Variants in ARHGAP20 observed in about 807,000 individuals in gnomAD.
ARHGAP20 encodes the protein Rho GTPase activating protein 20.
A neutral mutation model predicts 73.7 loss-of-function variants in ARHGAP20; 34 were observed. The observed-to-expected ratio is 0.46, with a 90% confidence interval of 0.35 to 0.61. ARHGAP20 has a LOEUF of 0.61. Among genes scored for constraint, ARHGAP20 ranks in the 20% least tolerant of loss-of-function variants. ARHGAP20 has a pLI of 0.00. For missense variants in ARHGAP20, 1,314 were observed against 1,420.9 expected (o/e 0.92, Z 1.21); for synonymous variants, 523 against 518.2 (o/e 1.01, Z -0.13).
intron 6 of ARHGAP20, among the ~76,000 whole-genome samples, chr11:110,613,343 G>C (rs1263347276): frequency 6.6e-6 from 1 of 152,192 alleles, no homozygotes; most frequent in Non-Finnish European, 1.5e-5. Flanking sequence ...TCCTATTTGG[G>C]GGAATCACTC....
chr11:110,591,440 G>A (rs1358954835), intron 10 of ARHGAP20, among the ~76,000 whole-genome samples: 1 of 152,186 alleles, frequency 6.6e-6, no homozygotes, highest in Non-Finnish European at 1.5e-5. Flanking sequence ...GTAGTATAGT[G>A]CTTGAAGGAT....
At chr11:110,711,836 C>A in intron 1 of ARHGAP20, 1 of 1,311,594 alleles carries the variant, frequency 7.6e-7, no homozygotes, top group Non-Finnish European at 9.7e-7. Flanking sequence ...GAGGGAGGAG[C>A]CGGGCTGCAG....
rs375390971 is a variant in ARHGAP20, at chr11:110,650,380, C to A, written c.189-19588G>T. ...AGAGAAATCCTAAAGCCACTTTGAT[C>A]TGCATCTGTGGTGCTACAAATAATT... On this transcript the variant is annotated intron_variant, in intron 2 of 14. Coordinates refer to ENST00000683387, the MANE Select transcript of ARHGAP20 (RefSeq NM_001384657.1). 1.4e-4 allele frequency among the ~76,000 whole-genome samples: 22 copies of A among 152,150 alleles called. 1 individual carries two copies. Among genetic ancestry groups the A allele is most frequent in the Admixed American group, 1.0e-3 (16 of 15,254 alleles).
chr11:110,579,530 G>A lies in ARHGAP20; in HGVS notation c.3416C>T (p.Ser1139Leu). Residue 1139 changes from serine to leucine, a missense_variant, in exon 15 of 15, where the codon TCA (serine) becomes TTA (leucine). Physicochemically the swap from Ser to Leu is moderately radical, Grantham distance 145 (BLOSUM62 -2). Coordinates refer to ENST00000683387, the MANE Select transcript of ARHGAP20 (RefSeq NM_001384657.1). ...VESRLKLCMK[S>L]HEEIEPGSQS... ...ACTACCAGGCTCTATTTCCTCATGTGACTTCATGCACAGCTTAAGTCTGCT... is the reference window on the plus strand; with the variant it reads ...ACTACCAGGCTCTATTTCCTCATGTAACTTCATGCACAGCTTAAGTCTGCT... 6.2e-7 allele frequency: 1 copy of A among 1,614,134 alleles called. No individual in the cohort carries two copies. The highest frequency in any genetic ancestry group is 1.1e-5 in the South Asian group (1 of 91,062).
chr11:110,692,540 T>C (rs967089785), intron 1 of ARHGAP20, among the ~76,000 whole-genome samples: 1 of 152,100 alleles, frequency 6.6e-6, no homozygotes, highest in African/African-American at 2.4e-5. Context: ...TTACATCTGC[T>C]TTCTCTAACC....
chr11:110,605,121 G>C (rs1028203631), intron 9 of ARHGAP20, among the ~76,000 whole-genome samples: 4 of 152,162 alleles, frequency 2.6e-5, no homozygotes, highest in African/African-American at 9.7e-5. Context: ...GAAGTTTTCT[G>C]CTAGACAGGG....
chr11:110,627,249 C>A (rs12222627), intron 3 of ARHGAP20, among the ~76,000 whole-genome samples: 1 of 151,798 alleles, frequency 6.6e-6, no homozygotes, highest in Non-Finnish European at 1.5e-5. Flanking sequence ...CCACTACGCC[C>A]GGCTAATTTT....
At chr11:110,662,575 T>TA (rs147271024) in intron 2 of ARHGAP20, among the ~76,000 whole-genome samples, 6,715 of 152,010 alleles carry the variant, frequency 0.044, 220 homozygotes, top group Non-Finnish European at 0.068. Context: ...GTATACATTA[T>TA]AAGATAATGT....
chr11:110,601,837 A>G (rs650192), intron 9 of ARHGAP20, among the ~76,000 whole-genome samples: 30,999 of 151,744 alleles, frequency 0.2, 3,980 homozygotes, highest in African/African-American at 0.36. Context: ...TACAAAAAAT[A>G]CTAATTTTTG....
chr11:110,670,013 G>T (rs1229460556), intron 2 of ARHGAP20, among the ~76,000 whole-genome samples: 3 of 152,168 alleles, frequency 2.0e-5, no homozygotes, highest in Middle Eastern at 3.4e-3. Flanking sequence ...AAAATTCTCA[G>T]AAATGCAAAC....
intron 2 of ARHGAP20, among the ~76,000 whole-genome samples, chr11:110,687,158 G>T (rs951969279): frequency 6.8e-6 from 1 of 147,844 alleles, no homozygotes; most frequent in Middle Eastern, 3.4e-3. Context: ...GCTCACTGCA[G>T]CTTCCAACTC....
intron 1 of ARHGAP20, among the ~76,000 whole-genome samples, chr11:110,704,287 G>A (rs1380064323): frequency 6.6e-6 from 1 of 152,110 alleles, no homozygotes; most frequent in Non-Finnish European, 1.5e-5. Flanking sequence ...AAAGCAAAAG[G>A]CCACAGAGCA....
At chr11:110,666,849 T>G (rs61141617) in intron 2 of ARHGAP20, among the ~76,000 whole-genome samples, 2,276 of 152,340 alleles carry the variant, frequency 0.015, 57 homozygotes, top group African/African-American at 0.052. Context: ...TATAGCCTTA[T>G]TGCTGATACG....
rs1045735829 is a variant in ARHGAP20, at chr11:110,640,602, T to C, written c.189-9810A>G. ...ATATGGGAATCTAATCTATGGCAATTATCTGTCTTAATGAGATCAAACATG... is the reference window on the plus strand; with the variant it reads ...ATATGGGAATCTAATCTATGGCAATCATCTGTCTTAATGAGATCAAACATG... On this transcript the variant is annotated intron_variant, in intron 2 of 14. Transcript: ENST00000683387. Among the ~76,000 whole-genome samples, 13 of 152,028 alleles carry C rather than the reference T, an allele frequency of 8.6e-5. 1 individual carries two copies. Among genetic ancestry groups the C allele is most frequent in the Non-Finnish European group, 4.4e-5 (3 of 67,956 alleles).
At chr11:110,671,904 A>T (rs1472789799) in intron 2 of ARHGAP20, among the ~76,000 whole-genome samples, 1 of 152,160 alleles carries the variant, frequency 6.6e-6, no homozygotes, top group Non-Finnish European at 1.5e-5. Flanking sequence ...GGGAAAGTAC[A>T]TTGGGAAAAG....
intron 9 of ARHGAP20, among the ~76,000 whole-genome samples, chr11:110,602,276 C>A (rs773760984): frequency 2.0e-4 from 31 of 151,904 alleles, no homozygotes; most frequent in Admixed American, 1.6e-3. Flanking sequence ...TGGACTTCTT[C>A]TAATGTTAAA....
rs191281306 is a variant in ARHGAP20 at position 110,609,797 on chromosome 11, T to C, written c.709-747A>G. ...GCCTTTAACTTCTAATAAAAAATCA[T>C]GGCCCTGCCCTTACAATACCATAAA... is the stretch of plus-strand genomic sequence containing the variant. On this transcript the variant is annotated intron_variant, in intron 7 of 14. Transcript: ENST00000683387. 4.0e-3 allele frequency among the ~76,000 whole-genome samples: 615 copies of C among 152,280 alleles called. 7 individuals carry two copies. The highest frequency in any genetic ancestry group is 0.014 in the African/African-American group (572 of 41,562).
At chr11:110,682,384 T>C (rs780084173) in intron 2 of ARHGAP20, among the ~76,000 whole-genome samples, 3 of 152,186 alleles carry the variant, frequency 2.0e-5, no homozygotes, top group Non-Finnish European at 4.4e-5. Flanking sequence ...ATTATTATTA[T>C]CATCTCTGGT....
intron 2 of ARHGAP20, among the ~76,000 whole-genome samples, chr11:110,637,523 A>G (rs1265605859): frequency 2.0e-5 from 3 of 152,078 alleles, no homozygotes; most frequent in Non-Finnish European, 2.9e-5. Context: ...TGCTTTATAT[A>G]TCGTAAATAT....
Sources: gnomAD v4.1 joint callset for allele counts (sites outside exome capture counted in the v4.1 genomes callset) on GRCh38, gnomAD v4.1.1 for gene constraint, MANE v1.5 for transcripts, NCBI Gene and HGNC (gene_info 2026-07-23, HGNC 2026-07-21) for gene names.